SCAF11: variants seen among roughly 807,000 people sequenced by gnomAD.
The protein encoded by SCAF11 is SR-related CTD associated factor 11, also known as protein SCAF11.
SCAF11 carries 47 observed loss-of-function variants against 140.5 expected under a neutral mutation model. The ratio of observed to expected loss-of-function variants is 0.33; its 90% CI spans 0.26 to 0.43. The LOEUF (loss-of-function observed/expected upper bound fraction) is 0.43, where lower values mean the gene tolerates loss of function less well. SCAF11 is among the 20% of genes least tolerant of loss of function. The pLI is 1.00. For missense variants in SCAF11, 1,645 were observed against 1,705.1 expected (o/e 0.96, Z 0.62); for synonymous variants, 557 against 579.4 (o/e 0.96, Z 0.55).
chr12:45,968,986 A>T (rs925641074), intron 1 of SCAF11, among the ~76,000 whole-genome samples: 1 of 152,186 alleles, frequency 6.6e-6, no homozygotes, highest in East Asian at 1.9e-4. Flanking sequence ...TCGGTTCTCT[A>T]GAATAGTGCT....
chr12:45,951,625 C>A, intron 4 of SCAF11, 25 bp downstream of exon 4: 2 of 1,410,678 alleles, frequency 1.4e-6, no homozygotes, highest in South Asian at 1.3e-5. Context: ...TTATATAATT[C>A]ATGTTGCAGA....
At position 45,936,286 on chromosome 12, in the gene SCAF11, C is replaced by T. The variant is rs940538612; in HGVS notation, c.464-1781G>A. On this transcript the variant is annotated intron_variant, in intron 6 of 14. Coordinates refer to ENST00000369367, the MANE Select transcript of SCAF11 (RefSeq NM_004719.3). ...CCTCCTGAGCAGCTGGGACTACAGG[C>T]GCACACCACCACGCCCGGCTAATTT... is the stretch of plus-strand genomic sequence containing the variant. 6.6e-5 allele frequency among the ~76,000 whole-genome samples: 10 copies of T among 152,008 alleles called. No individual in the cohort carries two copies. The East Asian group carries it at 7.8e-4, about 12-fold the overall frequency.
intron 6 of SCAF11, among the ~76,000 whole-genome samples, chr12:45,944,897 A>T (rs1945383733): frequency 2.0e-5 from 3 of 152,342 alleles, no homozygotes; most frequent in Admixed American, 2.0e-4. Flanking sequence ...GCTACTGCTT[A>T]CAGTAACTGG....
At chr12:45,977,304 T>C (rs1946257076) in intron 1 of SCAF11, among the ~76,000 whole-genome samples, 1 of 152,294 alleles carries the variant, frequency 6.6e-6, no homozygotes, top group South Asian at 2.1e-4. Context: ...CAACAAATTG[T>C]ATGCATCTTA....
At chr12:45,951,807 A>G in intron 3 of SCAF11, 80 bp from the exon 4 acceptor site, 1 of 935,752 alleles carries the variant, frequency 1.1e-6, no homozygotes, top group South Asian at 1.8e-5. Context: ...AATTTTCCAT[A>G]AAATTATTTT....
chr12:45,938,592 A>T (rs1196663893), intron 6 of SCAF11, among the ~76,000 whole-genome samples: 1 of 152,122 alleles, frequency 6.6e-6, no homozygotes, highest in Non-Finnish European at 1.5e-5. Context: ...GCATTAAACA[A>T]GTACTCAATC....
At chr12:45,987,507 C>T (rs1347736224) in intron 1 of SCAF11, among the ~76,000 whole-genome samples, 1 of 152,136 alleles carries the variant, frequency 6.6e-6, no homozygotes, top group Non-Finnish European at 1.5e-5. Context: ...AGAAAATAAA[C>T]AATAAACCTA....
chr12:45,947,307 G>T (rs2136565156), intron 5 of SCAF11, among the ~76,000 whole-genome samples: 1 of 152,176 alleles, frequency 6.6e-6, no homozygotes, highest in Non-Finnish European at 1.5e-5. Flanking sequence ...CCTCAAAAAT[G>T]TGTTAAACAC....
In SCAF11 at chr12:45,921,488, A is replaced by G. The variant is rs1337829461; in HGVS notation, c.*560T>C. On this transcript the variant is annotated 3_prime_UTR_variant, in exon 15 of 15. Coordinates refer to ENST00000369367, the MANE Select transcript of SCAF11 (RefSeq NM_004719.3). ...TTTTGAACACTAAATTTTACTCGTG[A>G]TAATTTTTTTTCTATCTAGGCAATT... The G allele has an allele frequency of 6.6e-6, 1 of 152,416 alleles. No homozygotes were observed. Among genetic ancestry groups the G allele is most frequent in the Non-Finnish European group, 1.5e-5 (1 of 68,054 alleles). The allele number at this position is 152,416 out of a possible 1,614,324, so 9.4% of individuals were successfully genotyped here.
intron 4 of SCAF11, among the ~76,000 whole-genome samples, chr12:45,949,811 G>T (rs1262067893): frequency 6.6e-6 from 1 of 152,124 alleles, no homozygotes; most frequent in African/African-American, 2.4e-5. Context: ...CTGGCTCTCA[G>T]TAAAGAAGTC....
chr12:45,990,322 C>G, intron 1 of SCAF11, 31 bp downstream of exon 1: 2 of 1,231,864 alleles, frequency 1.6e-6, no homozygotes, highest in East Asian at 3.2e-5. Context: ...CTGCCCAAGC[C>G]CATCCACCCC....
rs760938196 is a variant in SCAF11, at chr12:45,928,831, T to A, written c.870A>T (p.Ala290=). Residue 290 remains alanine, a synonymous_variant, in exon 11 of 15, where the codon GCA becomes GCT. Coordinates refer to ENST00000369367, the MANE Select transcript of SCAF11 (RefSeq NM_004719.3). ...FGTSCKGYAL[A]HTQEGEEKKQ... is the part of the protein sequence containing the mutation. ...TCTTTTCTTCCCCTTCTTGAGTATGTGCTAATGCATATCCCTTGCAAGAAG... is the reference window on the plus strand; with the variant it reads ...TCTTTTCTTCCCCTTCTTGAGTATGAGCTAATGCATATCCCTTGCAAGAAG... The A allele has an allele frequency of 7.5e-6, 12 of 1,608,652 alleles. No homozygotes were observed. Among genetic ancestry groups the A allele is most frequent in the Non-Finnish European group, 1.0e-5 (12 of 1,178,686 alleles).
At chr12:45,980,874 T>A (rs1946334214) in intron 1 of SCAF11, among the ~76,000 whole-genome samples, 1 of 152,036 alleles carries the variant, frequency 6.6e-6, no homozygotes, top group Non-Finnish European at 1.5e-5. Flanking sequence ...GGGAGGAGTG[T>A]TCCTCCTCCC....
At chr12:45,957,433 A>G (rs1945716176) in intron 3 of SCAF11, among the ~76,000 whole-genome samples, 1 of 152,180 alleles carries the variant, frequency 6.6e-6, no homozygotes, top group Non-Finnish European at 1.5e-5. Flanking sequence ...ATTCAAAAAT[A>G]TAACCTTCAC....
intron 1 of SCAF11, chr12:45,975,052 T>G (rs1467185148): frequency 6.6e-6 from 1 of 152,188 alleles, no homozygotes; most frequent in East Asian, 1.9e-4. Context: ...AATAAGTAAG[T>G]ACTATGTTGA....
intron 10 of SCAF11, among the ~76,000 whole-genome samples, chr12:45,930,279 T>C (rs1284603231): frequency 1.3e-5 from 2 of 152,198 alleles, no homozygotes; most frequent in Non-Finnish European, 2.9e-5. Flanking sequence ...ATGGCACTTA[T>C]GTGGGTCCCA....
rs1944961251 is a variant in SCAF11, at chr12:45,928,634, A to C, written c.1067T>G (p.Leu356Ter). ...CDAPGNSNPS[L>*]SVPSSAESEK... ...TGACTCAGCTGAAGAGGGAACACTT[A>C]AAGATGGATTACTGTTACCTGGGGC... is the stretch of plus-strand genomic sequence containing the variant. The change falls in exon 11 of 15, where the codon TTA becomes TGA. Residue 356 changes from leucine to a stop codon, truncating the protein, a stop_gained. Transcript: ENST00000369367. LOFTEE classifies it high-confidence loss of function. 6.2e-7 allele frequency: 1 copy of C among 1,614,126 alleles called. No individual in the cohort carries two copies. Among genetic ancestry groups the C allele is most frequent in the Non-Finnish European group, 8.5e-7 (1 of 1,179,996 alleles).
chr12:45,926,472 T>C lies in SCAF11; in HGVS notation c.3229A>G (p.Asn1077Asp), dbSNP rs914970943. 1 of 1,614,112 alleles carries C rather than the reference T, an allele frequency of 6.2e-7. No homozygotes were observed. Among genetic ancestry groups the C allele is most frequent in the African/African-American group, 1.3e-5 (1 of 74,950 alleles). The change falls in exon 11 of 15, where the codon AAC (asparagine) becomes GAC (aspartate). Residue 1077 changes from asparagine to aspartate, a missense_variant. Asn to Asp is a conservative substitution (Grantham distance 23). Around this residue, in one of 2 missense-constraint regions of SCAF11, gnomAD observed 1,582 missense variants for 1,609.2 expected, o/e 0.98. Coordinates refer to ENST00000369367, the MANE Select transcript of SCAF11 (RefSeq NM_004719.3). ...WVSNRGRGRG[N>D]RGRGTYRSSF... ...CTTCTGTAAGTGCCTCTGCCACGGT[T>C]GCCTCTGCCTCTACCACGGTTAGAT...
At position 45,948,446 on chromosome 12, in the gene SCAF11, C is replaced by G. The variant is rs1358117472; in HGVS notation, c.389G>C (p.Ser130Thr). Residue 130 changes from serine to threonine, a missense_variant, in exon 5 of 15, where the codon AGC (serine) becomes ACC (threonine). Ser to Thr is a moderately conservative substitution (Grantham distance 58). This residue lies in a region of SCAF11 where 1,582 missense variants were observed against 1,609.2 expected (regional missense o/e 0.98). Coordinates refer to ENST00000369367, the MANE Select transcript of SCAF11 (RefSeq NM_004719.3). ...KQVSCHENSK[S>T]CIRRKAIVRE... ...AAAGTTAATCACTAACCTTATACAG[C>G]TTTTAGAATTTTCATGACAGGAGAC... is the stretch of plus-strand genomic sequence containing the variant. The G allele has an allele frequency of 3.1e-6, 5 of 1,605,134 alleles. No homozygotes were observed. Among genetic ancestry groups the G allele is most frequent in the Admixed American group, 3.4e-5 (2 of 59,596 alleles).
Sources: gnomAD v4.1 joint callset for allele counts (sites outside exome capture counted in the v4.1 genomes callset) on GRCh38, gnomAD v4.1.1 for gene constraint, gnomAD v4.1.1 regional missense constraint, MANE v1.5 for transcripts, NCBI Gene and HGNC (gene_info 2026-07-23, HGNC 2026-07-21) for gene names.